ITGB5: variants seen among roughly 807,000 people sequenced by gnomAD.
ITGB5 encodes integrin subunit beta 5, also known as integrin beta-5.
ITGB5 carries 38 observed loss-of-function variants against 84.8 expected under a neutral mutation model. The ratio of observed to expected loss-of-function variants is 0.45; its 90% CI spans 0.35 to 0.59. The LOEUF is 0.59. Ranked by LOEUF, ITGB5 falls within the 20% of genes least tolerant of loss-of-function variation. The pLI is 0.01. For synonymous variants in ITGB5, 393 were observed against 414.4 expected (o/e 0.95, Z 0.63); for missense variants, 905 against 1,034.5 (o/e 0.87, Z 1.72).
At chr3:124,895,314 CCTTG>C (rs1475555926) in intron 1 of ITGB5, among the ~76,000 whole-genome samples, 2 of 152,186 alleles carry the variant, frequency 1.3e-5, no homozygotes, top group Non-Finnish European at 2.9e-5. Flanking sequence ...ACAGCCTCAA[CCTTG>C]TGGGCTCCGG....
At chr3:124,837,875 G>A (rs1003809898) in intron 5 of ITGB5, among the ~76,000 whole-genome samples, 3 of 152,218 alleles carry the variant, frequency 2.0e-5, no homozygotes, top group African/African-American at 7.2e-5. Flanking sequence ...AGCGTGCAGC[G>A]CTGCCGGGGA....
intron 3 of ITGB5, among the ~76,000 whole-genome samples, chr3:124,848,999 C>T (rs567575218): frequency 6.6e-6 from 1 of 152,152 alleles, no homozygotes; most frequent in East Asian, 1.9e-4. Context: ...AGGCTGGTAT[C>T]CAACTCCTGG....
chr3:124,798,053 A>G (rs1216584425), intron 9 of ITGB5, among the ~76,000 whole-genome samples: 1 of 90,432 alleles, frequency 1.1e-5, no homozygotes, highest in East Asian at 3.3e-4. Context: ...GCTAGAATAA[A>G]GCTTTTTTTT....
chr3:124,836,497 C>T (rs1297958305), intron 5 of ITGB5, among the ~76,000 whole-genome samples: 1 of 151,932 alleles, frequency 6.6e-6, no homozygotes, highest in African/African-American at 2.4e-5. Flanking sequence ...AAATGCAGTG[C>T]CCCTTACTCA....
chr3:124,793,854 C>T (rs2064183296), intron 10 of ITGB5, among the ~76,000 whole-genome samples: 1 of 152,232 alleles, frequency 6.6e-6, no homozygotes, highest in Non-Finnish European at 1.5e-5. Flanking sequence ...ACTGCTAAGT[C>T]CTGCACTCTC....
chr3:124,878,427 C>T (rs1045639398), intron 1 of ITGB5, among the ~76,000 whole-genome samples: 1 of 152,232 alleles, frequency 6.6e-6, no homozygotes, highest in African/African-American at 2.4e-5. Flanking sequence ...CTAACTGTTT[C>T]TGTTATTATT....
intron 9 of ITGB5, among the ~76,000 whole-genome samples, chr3:124,799,878 G>A (rs2064290254): frequency 6.6e-6 from 1 of 152,190 alleles, no homozygotes; most frequent in Admixed American, 6.5e-5. Context: ...GGGACCCCTT[G>A]ATGGTGATCC....
intron 9 of ITGB5, among the ~76,000 whole-genome samples, chr3:124,801,168 A>G (rs1488845401): frequency 6.6e-6 from 1 of 152,178 alleles, no homozygotes; most frequent in East Asian, 1.9e-4. Flanking sequence ...TGGGAAGCCC[A>G]TGACGGGGTT....
chr3:124,842,437 T>TAC (rs1036027806), intron 4 of ITGB5, among the ~76,000 whole-genome samples: 1 of 152,196 alleles, frequency 6.6e-6, no homozygotes, highest in Admixed American at 6.5e-5. Flanking sequence ...TATATTGTTT[T>TAC]ACCAATGGGT....
intron 10 of ITGB5, among the ~76,000 whole-genome samples, chr3:124,788,030 C>T (rs562154093): frequency 1.3e-5 from 2 of 151,918 alleles, no homozygotes; most frequent in Admixed American, 1.3e-4. Context: ...ACCTCAGCCT[C>T]CCAAGTAGCT....
chr3:124,857,463 G>A (rs1163193593), intron 3 of ITGB5: 1 of 152,288 alleles, frequency 6.6e-6, no homozygotes, highest in Non-Finnish European at 1.5e-5. Context: ...CCAAGCTAGG[G>A]ACAGAGCCAG....
rs1183356121 is a variant in ITGB5, at chr3:124,854,922, C to T, written c.361+4320G>A. On this transcript the variant is annotated intron_variant, in intron 3 of 14. Coordinates refer to ENST00000296181, the MANE Select transcript of ITGB5 (RefSeq NM_002213.5). ...CTGAGGCTTGTCCTTGATTAGTCTG[C>T]GATAAGTCTGGCAAAGTCTTATATT... Among the ~76,000 whole-genome samples, 8 of 152,096 alleles carry T rather than the reference C, an allele frequency of 5.3e-5. No individual in the cohort carries two copies. The South Asian group carries it at 1.2e-3, about 24-fold the overall frequency.
chr3:124,883,745 A>C (rs1381616539), intron 1 of ITGB5, among the ~76,000 whole-genome samples: 1 of 152,238 alleles, frequency 6.6e-6, no homozygotes, highest in Non-Finnish European at 1.5e-5. Context: ...GCGGTGTTGC[A>C]GGATCCTCTT....
intron 5 of ITGB5, among the ~76,000 whole-genome samples, chr3:124,822,131 A>T (rs552351355): frequency 6.6e-6 from 1 of 152,334 alleles, no homozygotes; most frequent in African/African-American, 2.4e-5. Flanking sequence ...TCCAGAATTC[A>T]GATGGAGGCA....
chr3:124,860,750 C>T (rs2065285710), intron 2 of ITGB5, among the ~76,000 whole-genome samples: 1 of 152,226 alleles, frequency 6.6e-6, no homozygotes, highest in African/African-American at 2.4e-5. Context: ...CTCTGGAACA[C>T]TTTGCCAGAA....
At position 124,811,848 on chromosome 3, in the gene ITGB5, G is replaced by C. The variant is rs541048193; in HGVS notation, c.1129-2692C>G. Among the ~76,000 whole-genome samples the C allele has an allele frequency of 3.9e-5, 6 of 152,264 alleles. No individual in the cohort carries two copies. The East Asian group carries it at 1.2e-3, about 29-fold the overall frequency. ...GGTCAGGGCAAGGAAAAGGTGGCCT[G>C]GGACCACTCTGCTGCACAGGACCGG... On this transcript the variant is annotated intron_variant, in intron 8 of 14. Transcript: ENST00000296181.
At chr3:124,799,221 A>T (rs557828613) in intron 9 of ITGB5, among the ~76,000 whole-genome samples, 2 of 152,324 alleles carry the variant, frequency 1.3e-5, no homozygotes, top group African/African-American at 4.8e-5. Flanking sequence ...GTGAGTAAAG[A>T]TTCAATCCAC....
intron 10 of ITGB5, among the ~76,000 whole-genome samples, chr3:124,775,546 A>C (rs554234356): frequency 1.3e-5 from 2 of 152,332 alleles, no homozygotes; most frequent in African/African-American, 4.8e-5. Context: ...GCAGTGCTAC[A>C]ATTGGTATTT....
intron 2 of ITGB5, among the ~76,000 whole-genome samples, chr3:124,869,572 C>T (rs2065445432): frequency 6.6e-6 from 1 of 152,092 alleles, no homozygotes; most frequent in African/African-American, 2.4e-5. Flanking sequence ...TGAGACCCTG[C>T]CTCAAATGAA....
Sources: gnomAD v4.1 joint callset for allele counts (sites outside exome capture counted in the v4.1 genomes callset) on GRCh38, gnomAD v4.1.1 for gene constraint, MANE v1.5 for transcripts, NCBI Gene and HGNC (gene_info 2026-07-23, HGNC 2026-07-21) for gene names.